Variants in USP31 observed in about 807,000 individuals in gnomAD.
USP31 encodes ubiquitin carboxyl-terminal hydrolase 31.
A neutral mutation model predicts 119.4 loss-of-function variants in USP31; 44 were observed. The observed-to-expected ratio is 0.37, with a 90% CI of 0.29 to 0.47. The LOEUF (loss-of-function observed/expected upper bound fraction) is 0.47. Among genes scored for constraint, USP31 ranks in the 20% least tolerant of loss-of-function variants. USP31 has a pLI of 0.99. For missense variants in USP31, 1,643 were observed against 1,730.2 expected (o/e 0.95, Z 0.89); for synonymous variants, 749 against 705.6 (o/e 1.06, Z -0.97).
At chr16:23,076,484 G>A (rs1434800000) in intron 13 of USP31, among the ~76,000 whole-genome samples, 1 of 152,078 alleles carries the variant, frequency 6.6e-6, no homozygotes, top group African/African-American at 2.4e-5. Flanking sequence ...GTTCCTTGAG[G>A]TCAGCATGAC....
At chr16:23,131,280 C>T (rs528599094) in intron 1 of USP31, among the ~76,000 whole-genome samples, 3 of 152,222 alleles carry the variant, frequency 2.0e-5, no homozygotes, top group East Asian at 1.9e-4. Context: ...CCAGGCTGGG[C>T]GACAGAGCAA....
At chr16:23,095,149 T>C (rs1463905334) in intron 6 of USP31, among the ~76,000 whole-genome samples, 2 of 152,118 alleles carry the variant, frequency 1.3e-5, no homozygotes, top group African/African-American at 2.4e-5. Context: ...GAGAAGAGCT[T>C]AAATGACCTG....
intron 1 of USP31, among the ~76,000 whole-genome samples, chr16:23,132,331 G>GT (rs1567246644): frequency 7.5e-6 from 1 of 133,924 alleles, no homozygotes; most frequent in Non-Finnish European, 1.7e-5. Context: ...AAATATAAAA[G>GT]GTTTTTTTTT....
intron 1 of USP31, among the ~76,000 whole-genome samples, chr16:23,113,952 G>T (rs1228626725): frequency 6.6e-6 from 1 of 152,002 alleles, no homozygotes; most frequent in African/African-American, 2.4e-5. Context: ...TAAAAATACA[G>T]AAGTTAGCTA....
chr16:23,115,177 T>C (rs1406143472), intron 1 of USP31, among the ~76,000 whole-genome samples: 1 of 152,126 alleles, frequency 6.6e-6, no homozygotes, highest in African/African-American at 2.4e-5. Context: ...ACGTTTTTGG[T>C]CACATCTGAT....
intron 1 of USP31, among the ~76,000 whole-genome samples, chr16:23,113,980 C>T (rs1181951212): frequency 6.6e-6 from 1 of 152,086 alleles, no homozygotes; most frequent in Admixed American, 6.6e-5. Context: ...TGGTAGGCGC[C>T]TGTAATCCCA....
intron 1 of USP31, among the ~76,000 whole-genome samples, chr16:23,116,607 G>A (rs1330148827): frequency 6.6e-6 from 1 of 152,146 alleles, no homozygotes; most frequent in Non-Finnish European, 1.5e-5. Flanking sequence ...TCCTCTGAGG[G>A]GAGAGGAGAC....
chr16:23,107,482 A>G (rs948405740), intron 2 of USP31, among the ~76,000 whole-genome samples: 1 of 152,262 alleles, frequency 6.6e-6, no homozygotes, highest in Non-Finnish European at 1.5e-5. Flanking sequence ...GAGAAGAATT[A>G]TCAAAAACTT....
intron 15 of USP31, 128 bp downstream of exon 15, chr16:23,071,917 A>G: frequency 7.8e-7 from 1 of 1,276,972 alleles, no homozygotes; most frequent in Non-Finnish European, 1.1e-6. Context: ...ACACAGCTCC[A>G]CTCCCTGTAG....
chr16:23,102,414 T>C lies in USP31; in HGVS notation c.1139A>G (p.Asp380Gly). 1 of 1,613,790 alleles carries C rather than the reference T, an allele frequency of 6.2e-7. No homozygotes were observed. Among genetic ancestry groups the C allele is most frequent in the Non-Finnish European group, 8.5e-7 (1 of 1,179,822 alleles). The change falls in exon 6 of 16, where the codon GAT becomes GGT. Residue 380 changes from aspartate to glycine, a missense_variant. Physicochemically the swap from Asp to Gly is moderately conservative, Grantham distance 94. Coordinates refer to ENST00000219689, the MANE Select transcript of USP31 (RefSeq NM_020718.4). Reference protein sequence around the residue: ...YYDGFHRSFCDTDDLETVHES... With the variant: ...YYDGFHRSFCGTDDLETVHES... ...ATGGACTGTTTCCAGGTCGTCTGTA[T>C]CACAAAAGGAACGATGGAACCCATC...
intron 13 of USP31, among the ~76,000 whole-genome samples, chr16:23,075,979 T>C (rs1444475585): frequency 6.6e-6 from 1 of 152,082 alleles, no homozygotes; most frequent in Non-Finnish European, 1.5e-5. Context: ...TCCCAGCTAC[T>C]TGGGAAGCTG....
At chr16:23,146,546 A>AATG (rs1341712547) in intron 1 of USP31, among the ~76,000 whole-genome samples, 1 of 152,068 alleles carries the variant, frequency 6.6e-6, no homozygotes, top group Non-Finnish European at 1.5e-5. Context: ...TAATAATAAT[A>AATG]ATAATTTTGA....
chr16:23,080,175 T>C lies in USP31; in HGVS notation c.1951-4A>G, dbSNP rs775259863. The C allele has an allele frequency of 1.3e-6, 2 of 1,530,134 alleles. No homozygotes were observed. The highest frequency in any genetic ancestry group is 1.8e-6 in the Non-Finnish European group (2 of 1,142,638). 94.8% of individuals were successfully genotyped at this position (1,530,134 alleles called of 1,614,324 possible). A position where few individuals can be genotyped will look rare whatever the true frequency, so the allele number is the denominator to read the frequency against. On this transcript the variant is annotated splice_polypyrimidine_tract_variant and splice_region_variant and intron_variant, in intron 12 of 15. Coordinates refer to ENST00000219689, the MANE Select transcript of USP31 (RefSeq NM_020718.4). ...GTTTCATGCGCCTGTCTCCTTCCTG[T>C]TGCAAGAAGAAAAACAAGTTCTGGT...
Position 23,068,593 on chromosome 16 carries a change from G to A in USP31, c.3512C>T (p.Thr1171Ile). ...AGGGGAATTGGGTTTGGAGGTGGAG[G>A]TGGCGCTGGCTCTGTCAGAACCCAA... ...QSLGSDRASA[T>I]STSKPNSPRV... The change falls in exon 16 of 16, where the codon ACC (threonine) becomes ATC (isoleucine). Residue 1171 changes from threonine (T) to isoleucine (I), a missense_variant. Thr to Ile is a moderately conservative substitution (Grantham distance 89). Coordinates refer to ENST00000219689, the MANE Select transcript of USP31 (RefSeq NM_020718.4). 1.2e-6 allele frequency: 2 copies of A among 1,614,202 alleles called. No individual in the cohort carries two copies. Among genetic ancestry groups the A allele is most frequent in the Non-Finnish European group, 1.7e-6 (2 of 1,180,038 alleles).
At chr16:23,072,655 C>G in intron 14 of USP31, 2 of 410,524 alleles carry the variant, frequency 4.9e-6, no homozygotes, top group South Asian at 1.2e-4. Context: ...AATTTGTCAC[C>G]ATTTTCATAA....
chr16:23,122,644 ATAC>A (rs1433904463), intron 1 of USP31, among the ~76,000 whole-genome samples: 3 of 152,236 alleles, frequency 2.0e-5, no homozygotes, highest in African/African-American at 4.8e-5. Context: ...AGTACGATAT[ATAC>A]TACAACATGA....
intron 1 of USP31, among the ~76,000 whole-genome samples, chr16:23,125,355 C>G (rs1902818014): frequency 1.3e-5 from 2 of 152,162 alleles, no homozygotes; most frequent in Admixed American, 6.5e-5. Context: ...CCTGGATGCC[C>G]TCCACCTCCC....
At chr16:23,108,636 G>C (rs1902203076) in intron 1 of USP31, among the ~76,000 whole-genome samples, 1 of 152,174 alleles carries the variant, frequency 6.6e-6, no homozygotes, top group Admixed American at 6.5e-5. Flanking sequence ...AGTGTGAAAT[G>C]TGAATGTATT....
chr16:23,107,296 T>C (rs745676750), intron 2 of USP31, among the ~76,000 whole-genome samples: 60 of 152,102 alleles, frequency 3.9e-4, no homozygotes, highest in Non-Finnish European at 7.4e-4. Context: ...GTACAGAACA[T>C]TAGGATACAA....
Sources: gnomAD v4.1 joint callset for allele counts (sites outside exome capture counted in the v4.1 genomes callset) on GRCh38, gnomAD v4.1.1 for gene constraint, MANE v1.5 for transcripts, NCBI Gene and HGNC (gene_info 2026-07-23, HGNC 2026-07-21) for gene names.